The following HS6ST2 variants were observed in gnomAD, a reference collection of about 807,000 sequenced individuals.
The protein encoded by HS6ST2 is heparan-sulfate 6-O-sulfotransferase 2.
HS6ST2 carries 17 observed loss-of-function variants against 33.0 expected under a neutral mutation model. The observed-to-expected ratio is 0.52, with a 90% CI of 0.35 to 0.77. HS6ST2 has a LOEUF of 0.77. Ranked by LOEUF, HS6ST2 falls within the 30% of genes least tolerant of loss-of-function variation. The pLI, the probability that HS6ST2 is intolerant of heterozygous loss-of-function variation, is 0.01. For synonymous variants in HS6ST2, 248 were observed against 237.1 expected, an observed-to-expected ratio of 1.05 and a Z score of -0.42; for missense variants, 519 against 551.7, an observed-to-expected ratio of 0.94 and a Z score of 0.59.
At chrX:132,638,677 G>A (rs775053859) in intron 4 of HS6ST2, among the ~76,000 whole-genome samples, 1 of 112,129 alleles carries the variant, frequency 8.9e-6, no homozygotes, top group African/African-American at 3.2e-5. Context: ...AGTTCATGCT[G>A]TGGGCTGCTG....
chrX:132,671,803 T>G (rs1283377597), intron 3 of HS6ST2, among the ~76,000 whole-genome samples: 1 of 111,483 alleles, frequency 9.0e-6, no homozygotes, highest in East Asian at 2.8e-4. Context: ...GGGGTAAAAT[T>G]AATCAAGTAA....
chrX:132,932,832 AT>A (rs1602894857), intron 2 of HS6ST2, among the ~76,000 whole-genome samples: 1 of 105,439 alleles, frequency 9.5e-6, no homozygotes, highest in Non-Finnish European at 1.9e-5. Context: ...AATATATAAT[AT>A]TTTTCTATAT....
At chrX:132,762,240 T>C (rs2064809735) in intron 2 of HS6ST2, among the ~76,000 whole-genome samples, 1 of 111,430 alleles carries the variant, frequency 9.0e-6, no homozygotes, top group Admixed American at 9.6e-5. Flanking sequence ...TGCTACTAGA[T>C]ATTGAGCTCT....
At chrX:132,853,856 C>G (rs777781333) in intron 2 of HS6ST2, among the ~76,000 whole-genome samples, 22 of 110,655 alleles carry the variant, frequency 2.0e-4, no homozygotes, top group African/African-American at 7.2e-4. Flanking sequence ...AACCCTGATT[C>G]TACAAAAAAT....
intron 2 of HS6ST2, among the ~76,000 whole-genome samples, chrX:132,745,463 G>A (rs909673287): frequency 2.7e-5 from 3 of 111,917 alleles, no homozygotes; most frequent in Non-Finnish European, 5.6e-5. Context: ...CAATGAAATC[G>A]AAGTCAAAAT....
intron 2 of HS6ST2, among the ~76,000 whole-genome samples, chrX:132,900,105 T>G (rs1318942227): frequency 1.8e-5 from 2 of 112,009 alleles, no homozygotes; most frequent in Non-Finnish European, 3.8e-5. Flanking sequence ...TCTTATTAGT[T>G]TTTATCATTT....
intron 3 of HS6ST2, among the ~76,000 whole-genome samples, chrX:132,690,920 G>C (rs867140003): frequency 2.7e-5 from 3 of 111,540 alleles, no homozygotes; most frequent in African/African-American, 9.8e-5. Flanking sequence ...GGATAACAAT[G>C]GGAGTTCAAC....
intron 2 of HS6ST2, among the ~76,000 whole-genome samples, chrX:132,878,051 A>T (rs2066125836): frequency 8.9e-6 from 1 of 112,007 alleles, no homozygotes; most frequent in African/African-American, 3.2e-5. Flanking sequence ...TTCCTTAATA[A>T]ACAGTTGTAA....
chrX:132,851,498 C>T (rs1446183978), intron 2 of HS6ST2, among the ~76,000 whole-genome samples: 1 of 112,594 alleles, frequency 8.9e-6, no homozygotes, highest in Non-Finnish European at 1.9e-5. Flanking sequence ...TGAAATTAAA[C>T]AATGCATGGA....
intron 2 of HS6ST2, among the ~76,000 whole-genome samples, chrX:132,787,248 T>TATA (rs1491175404): frequency 4.4e-5 from 4 of 89,956 alleles, no homozygotes; most frequent in Non-Finnish European, 8.4e-5. Context: ...TACATATATG[T>TATA]ATATATATGT....
chrX:132,873,528 A>C (rs2066083513), intron 2 of HS6ST2, among the ~76,000 whole-genome samples: 1 of 112,179 alleles, frequency 8.9e-6, no homozygotes, highest in Non-Finnish European at 1.9e-5. Flanking sequence ...TGCCTGAAGC[A>C]TCCATTCATA....
chrX:132,800,281 G>T (rs911298219), intron 2 of HS6ST2, among the ~76,000 whole-genome samples: 1 of 111,403 alleles, frequency 9.0e-6, no homozygotes, highest in Non-Finnish European at 1.9e-5. Context: ...TAAGTTGTGT[G>T]CTCTTTATGA....
At chrX:132,866,700 T>C (rs1436606439) in intron 2 of HS6ST2, among the ~76,000 whole-genome samples, 41 of 61,982 alleles carry the variant, frequency 6.6e-4, no homozygotes, top group African/African-American at 2.7e-3. Flanking sequence ...TTCACATCCC[T>C]TGTAAGTTGG....
In HS6ST2 at chrX:132,637,826, T is replaced by TATATATAATATATTATATATA. The variant is rs2063562609; in HGVS notation, c.1068-8734_1068-8733insTATATATAATATATTATATAT. The stretch of plus-strand genomic sequence containing the variant: ...ATTATATATTATTTTATATATATAA[T>TATATATAATATATTATATATA]ATTATATATAATATTTTATATATAA... On this transcript the variant is annotated intron_variant, in intron 4 of 4. Transcript: ENST00000370833. Among the ~76,000 whole-genome samples the TATATATAATATATTATATATA allele has an allele frequency of 9.3e-5, 5 of 53,872 alleles. No homozygotes were observed. The South Asian group carries it at 4.0e-3, about 43-fold the overall frequency. 46.8% of individuals were successfully genotyped at this position (53,872 alleles called of 115,157 possible). A position where few individuals can be genotyped will look rare whatever the true frequency, so the allele number is the denominator to read the frequency against.
chrX:132,933,927 A>G (rs191802886), intron 2 of HS6ST2, among the ~76,000 whole-genome samples: 2 of 111,617 alleles, frequency 1.8e-5, no homozygotes, highest in East Asian at 5.6e-4. Context: ...TCATGTTAGC[A>G]TGAGACAATC....
chrX:132,696,632 T>C (rs1028714607), intron 3 of HS6ST2, among the ~76,000 whole-genome samples: 3 of 112,114 alleles, frequency 2.7e-5, no homozygotes, highest in African/African-American at 9.7e-5. Flanking sequence ...TTAACCTTGG[T>C]TTGGCAGATG....
At chrX:132,882,118 G>A (rs1220297834) in intron 2 of HS6ST2, among the ~76,000 whole-genome samples, 1 of 110,976 alleles carries the variant, frequency 9.0e-6, no homozygotes, top group Non-Finnish European at 1.9e-5. Flanking sequence ...GCTCTTTTTT[G>A]GTTCCATATG....
intron 3 of HS6ST2, among the ~76,000 whole-genome samples, chrX:132,681,845 G>A (rs2063974102): frequency 8.9e-6 from 1 of 111,971 alleles, no homozygotes; most frequent in African/African-American, 3.2e-5. Flanking sequence ...CAAACCTGGT[G>A]TCCACTCATT....
At chrX:132,891,377 T>C (rs1439033131) in intron 2 of HS6ST2, among the ~76,000 whole-genome samples, 3 of 88,593 alleles carry the variant, frequency 3.4e-5, no homozygotes, top group Non-Finnish European at 6.8e-5. Flanking sequence ...AAAAGTTTTT[T>C]TTATTTTTTT....
Sources: allele counts gnomAD v4.1 joint callset (sites outside exome capture counted in the v4.1 genomes callset), GRCh38; gene constraint gnomAD v4.1.1; transcripts MANE v1.5; gene names NCBI Gene and HGNC (gene_info 2026-07-23, HGNC 2026-07-21).